ZNF385B: variants seen among roughly 807,000 people sequenced by gnomAD.
The protein encoded by ZNF385B is zinc finger protein 533.
ZNF385B carries 23 observed loss-of-function variants against 39.2 expected under a neutral mutation model. The ratio of observed to expected loss-of-function variants is 0.59; its 90% confidence interval spans 0.42 to 0.83. The LOEUF is 0.83. Ranked by LOEUF, ZNF385B falls within the 40% of genes least tolerant of loss-of-function variation. The pLI is 0.00. For synonymous variants in ZNF385B, 205 were observed against 222.6 expected (o/e 0.92, Z 0.70); for missense variants, 552 against 598.9 (o/e 0.92, Z 0.82).
At chr2:179,532,482 T>A (rs181833908) in intron 4 of ZNF385B, among the ~76,000 whole-genome samples, 1 of 152,304 alleles carries the variant, frequency 6.6e-6, no homozygotes, top group Admixed American at 6.5e-5. Flanking sequence ...AGTGTCTCCG[T>A]AACATTCACA....
At chr2:179,572,553 A>G (rs1156591331) in intron 3 of ZNF385B, among the ~76,000 whole-genome samples, 1 of 152,132 alleles carries the variant, frequency 6.6e-6, no homozygotes, top group Non-Finnish European at 1.5e-5. Context: ...AAGAATACAG[A>G]CAAAAGAGGT....
At chr2:179,769,827 GC>G in intron 2 of ZNF385B, 25 bp from the exon 3 acceptor site, 1 of 1,560,758 alleles carries the variant, frequency 6.4e-7, no homozygotes, top group Non-Finnish European at 8.7e-7. Flanking sequence ...AAGTACAAGT[GC>G]TTCTGAAATG....
At chr2:179,692,025 T>C (rs1385817085) in intron 3 of ZNF385B, among the ~76,000 whole-genome samples, 1 of 152,144 alleles carries the variant, frequency 6.6e-6, no homozygotes, top group East Asian at 1.9e-4. Flanking sequence ...AATTCCACTC[T>C]TTTAGTTATT....
At chr2:179,697,900 A>G (rs1230636728) in intron 3 of ZNF385B, among the ~76,000 whole-genome samples, 1 of 152,212 alleles carries the variant, frequency 6.6e-6, no homozygotes, top group African/African-American at 2.4e-5. Flanking sequence ...AGGGACATGG[A>G]TGAAGCTGGA....
chr2:179,456,389 A>G (rs2050711787), intron 6 of ZNF385B, among the ~76,000 whole-genome samples: 1 of 152,184 alleles, frequency 6.6e-6, no homozygotes, highest in Non-Finnish European at 1.5e-5. Context: ...TCCAACAGAC[A>G]TAATATGGTA....
intron 3 of ZNF385B, among the ~76,000 whole-genome samples, chr2:179,697,659 T>C (rs1698870293): frequency 6.6e-6 from 1 of 152,218 alleles, no homozygotes. Context: ...CTGTGCTATC[T>C]GATCCCTACT....
chr2:179,823,030 GA>G (rs1707492460), intron 1 of ZNF385B, among the ~76,000 whole-genome samples: 1 of 152,130 alleles, frequency 6.6e-6, no homozygotes, highest in African/African-American at 2.4e-5. Context: ...TCGGAGGGGA[GA>G]AAAACAGTAA....
intron 3 of ZNF385B, among the ~76,000 whole-genome samples, chr2:179,629,457 T>C (rs545881982): frequency 1.4e-5 from 2 of 145,386 alleles, no homozygotes; most frequent in East Asian, 3.9e-4. Flanking sequence ...ATCCCTTATA[T>C]ATGAATAGAG....
intron 5 of ZNF385B, among the ~76,000 whole-genome samples, chr2:179,507,915 C>A (rs1462814775): frequency 6.6e-6 from 1 of 152,186 alleles, no homozygotes; most frequent in Non-Finnish European, 1.5e-5. Flanking sequence ...TCCCAAAAAA[C>A]TGCTCTTTAT....
At chr2:179,741,194 A>G (rs1296991536) in intron 3 of ZNF385B, among the ~76,000 whole-genome samples, 1 of 152,136 alleles carries the variant, frequency 6.6e-6, no homozygotes, top group African/African-American at 2.4e-5. Flanking sequence ...GGAAACAGAA[A>G]GGTTAGGTTT....
intron 3 of ZNF385B, among the ~76,000 whole-genome samples, chr2:179,548,897 C>T (rs2060398789): frequency 6.7e-6 from 1 of 149,372 alleles, no homozygotes; most frequent in East Asian, 1.9e-4. Flanking sequence ...ACCATCACCA[C>T]AATCAATTTT....
intron 3 of ZNF385B, among the ~76,000 whole-genome samples, chr2:179,717,755 C>T (rs1700421965): frequency 6.6e-6 from 1 of 152,104 alleles, no homozygotes; most frequent in Non-Finnish European, 1.5e-5. Context: ...AAAACCTTCT[C>T]ATGATAGTTT....
intron 3 of ZNF385B, among the ~76,000 whole-genome samples, chr2:179,661,496 C>A (rs1206771727): frequency 6.6e-6 from 1 of 152,144 alleles, no homozygotes; most frequent in African/African-American, 2.4e-5. Flanking sequence ...ATATCTATAT[C>A]TGATATCTAC....
chr2:179,493,667 G>GTGTATA (rs2055638206), intron 5 of ZNF385B, among the ~76,000 whole-genome samples: 1 of 93,876 alleles, frequency 1.1e-5, no homozygotes, highest in Non-Finnish European at 2.2e-5. Flanking sequence ...ATATGTATAT[G>GTGTATA]CATATGCATA....
At chr2:179,591,290 C>A (rs1687540885) in intron 3 of ZNF385B, among the ~76,000 whole-genome samples, 1 of 150,464 alleles carries the variant, frequency 6.6e-6, no homozygotes, top group South Asian at 2.1e-4. Flanking sequence ...CTTTTTTTTT[C>A]AGCTTTCCAG....
In ZNF385B at chr2:179,668,107, T is replaced by C. The variant is rs562556990; in HGVS notation, c.298+101396A>G. Among the ~76,000 whole-genome samples, 39 of 152,350 alleles carry C rather than the reference T, an allele frequency of 2.6e-4. 2 individuals carry two copies. In the East Asian group the frequency reaches 7.5e-3, roughly 29 times the overall value. ...CTTAAGTCTCTGAAGGATCATCCTA[T>C]CCATAAGTCAATTTGGAGTACTGGT... On this transcript the variant is annotated intron_variant, in intron 3 of 9. Transcript: ENST00000410066.
At chr2:179,752,316 T>G (rs1017413837) in intron 3 of ZNF385B, among the ~76,000 whole-genome samples, 4 of 152,238 alleles carry the variant, frequency 2.6e-5, no homozygotes, top group Non-Finnish European at 5.9e-5. Context: ...TGCCACATTT[T>G]CTTAATCCAG....
At chr2:179,639,249 A>G (rs372339828) in intron 3 of ZNF385B, among the ~76,000 whole-genome samples, 1,381 of 128,622 alleles carry the variant, frequency 0.011, 22 homozygotes, top group African/African-American at 0.036. Flanking sequence ...AAAAAAAAAA[A>G]GGGGGAGAAA....
intron 3 of ZNF385B, among the ~76,000 whole-genome samples, chr2:179,560,714 T>C (rs34017185): frequency 0.068 from 10,352 of 152,266 alleles, 447 homozygotes; most frequent in Middle Eastern, 0.19. Flanking sequence ...CGTACCTGTC[T>C]GTGTGCCTCT....
Sources: gnomAD v4.1 joint callset for allele counts (sites outside exome capture counted in the v4.1 genomes callset) on GRCh38, gnomAD v4.1.1 for gene constraint, MANE v1.5 for transcripts, NCBI Gene and HGNC (gene_info 2026-07-23, HGNC 2026-07-21) for gene names.